The following STX1B variants were observed in gnomAD, a reference collection of about 807,000 sequenced individuals.
STX1B encodes syntaxin 1B.
STX1B carries 7 observed loss-of-function variants against 39.4 expected under a neutral mutation model. The observed-to-expected ratio is 0.18, with a 90% CI of 0.10 to 0.33. The LOEUF is 0.33. STX1B is among the 10% of genes least tolerant of loss of function. The pLI is 1.00. For missense variants in STX1B, 198 were observed against 383.2 expected (o/e 0.52, Z 4.04); for synonymous variants, 136 against 144.1 (o/e 0.94, Z 0.40).
At chr16:30,994,635 A>C (rs562616002) in intron 7 of STX1B, among the ~76,000 whole-genome samples, 46 of 149,550 alleles carry the variant, frequency 3.1e-4, no homozygotes, top group Non-Finnish European at 5.6e-4. Context: ...CGTGACCCAC[A>C]GTCAGATATG....
In STX1B at chr16:30,989,544, G is replaced by A. The variant is rs1357960513; in HGVS notation, c.*3277C>T. 1 of 152,320 alleles carries A rather than the reference G, an allele frequency of 6.6e-6. No individual in the cohort carries two copies. The highest frequency in any genetic ancestry group is 2.4e-5 in the African/African-American group (1 of 41,402). The allele number at this position is 152,320 out of a possible 1,614,324, so 9.4% of individuals were successfully genotyped here. On this transcript the variant is annotated 3_prime_UTR_variant, in exon 10 of 10. Coordinates refer to ENST00000215095, the MANE Select transcript of STX1B (RefSeq NM_052874.5). ...GAGGGAGAGAGCTCTAGAAACCAAC[G>A]GAGAAACAGAGAAGGGGGCAGGGGC...
intron 1 of STX1B, among the ~76,000 whole-genome samples, chr16:31,009,837 T>A (rs1180970931): frequency 6.6e-6 from 1 of 151,916 alleles, no homozygotes; most frequent in African/African-American, 2.4e-5. Flanking sequence ...CCTCCCTGTC[T>A]CGGAGAGATG....
At chr16:31,006,074 G>GGTGACA (rs1246659761) in intron 1 of STX1B, among the ~76,000 whole-genome samples, 1 of 152,236 alleles carries the variant, frequency 6.6e-6, no homozygotes, top group Non-Finnish European at 1.5e-5. Flanking sequence ...GCAAGAGACT[G>GGTGACA]GAATTGGGTG....
chr16:30,998,178 A>G (rs1163816753), intron 4 of STX1B, among the ~76,000 whole-genome samples: 1 of 152,246 alleles, frequency 6.6e-6, no homozygotes, highest in East Asian at 1.9e-4. Flanking sequence ...GGAAAAGTGC[A>G]CAGATTAACT....
chr16:30,995,578 G>A lies in STX1B; in HGVS notation c.537+1105C>T, dbSNP rs531575808. The stretch of plus-strand genomic sequence containing the variant: ...AAGATCTCGGCTCACTGCAACCTCC[G>A]CCTCCCAGGTTCAAGTGATCCTCCT... On this transcript the variant is annotated intron_variant, in intron 7 of 9. Transcript: ENST00000215095. Among the ~76,000 whole-genome samples, 120 of 150,804 alleles carry A rather than the reference G, an allele frequency of 8.0e-4. 1 individual carries two copies. The highest frequency in any genetic ancestry group is 2.8e-3 in the African/African-American group (116 of 41,034).
chr16:30,992,571 G>C lies in STX1B; in HGVS notation c.*250C>G, dbSNP rs536619256. 3.6e-5 allele frequency: 17 copies of C among 476,158 alleles called. No individual in the cohort carries two copies. Among genetic ancestry groups the C allele is most frequent in the African/African-American group, 3.4e-4 (17 of 50,712 alleles). 29.5% of individuals were successfully genotyped at this position (476,158 alleles called of 1,614,324 possible). A position where few individuals can be genotyped will look rare whatever the true frequency, so the allele number is the denominator to read the frequency against. ...GCACGCTGGGGTGTCCACACGTCTC[G>C]AGCATGTGCCGGCGGCATGCATGTT... On this transcript the variant is annotated 3_prime_UTR_variant, in exon 10 of 10. Coordinates refer to ENST00000215095, the MANE Select transcript of STX1B (RefSeq NM_052874.5).
chr16:30,992,710 G>T lies in STX1B; in HGVS notation c.*111C>A. 1 of 706,256 alleles carries T rather than the reference G, an allele frequency of 1.4e-6. No homozygotes were observed. Among genetic ancestry groups the T allele is most frequent in the South Asian group, 1.8e-5 (1 of 57,116 alleles). 43.7% of individuals were successfully genotyped at this position (706,256 alleles called of 1,614,324 possible). A position where few individuals can be genotyped will look rare whatever the true frequency, so the allele number is the denominator to read the frequency against. On this transcript the variant is annotated 3_prime_UTR_variant, in exon 10 of 10. Coordinates refer to ENST00000215095, the MANE Select transcript of STX1B (RefSeq NM_052874.5). ...TCTGCCGTGGGGGTGGGGCTGCCTGGGTCTGTTTTGGGAGTGAGCCTGGAG... is the reference window on the plus strand; with the variant it reads ...TCTGCCGTGGGGGTGGGGCTGCCTGTGTCTGTTTTGGGAGTGAGCCTGGAG...
At position 30,993,429 on chromosome 16, in the gene STX1B, T is replaced by C; in HGVS notation, c.593A>G (p.His198Arg). 6.2e-7 allele frequency: 1 copy of C among 1,614,098 alleles called. No homozygotes were observed. The highest frequency in any genetic ancestry group is 8.5e-7 in the Non-Finnish European group (1 of 1,180,022). Reference protein sequence around the residue: ...KQALNEIETRHNEIIKLETSI... With the variant: ...KQALNEIETRRNEIIKLETSI... ...GGTCTCCAGCTTGATGATCTCATTG[T>C]GCCTCGTCTCAATCTCATTCAGCGC... Residue 198 changes from histidine (H) to arginine (R), a missense_variant, in exon 8 of 10, where the codon CAC becomes CGC. By Grantham distance (29) the His-to-Arg change is conservative. Transcript: ENST00000215095.
At chr16:30,997,435 G>C (rs1457342244) in intron 5 of STX1B, 67 bp downstream of exon 5, 7 of 1,158,636 alleles carry the variant, frequency 6.0e-6, no homozygotes, top group Admixed American at 4.6e-5. Context: ...CTGGCCCGCC[G>C]GCCTCCAGCC....
At chr16:31,009,706 T>C (rs2056671496) in intron 1 of STX1B, among the ~76,000 whole-genome samples, 1 of 151,180 alleles carries the variant, frequency 6.6e-6, no homozygotes, top group Admixed American at 6.6e-5. Context: ...GGTGCCCCAG[T>C]TCCCCCAAGC....
chr16:31,009,999 C>A (rs181757054), intron 1 of STX1B, among the ~76,000 whole-genome samples: 10 of 152,186 alleles, frequency 6.6e-5, no homozygotes, highest in Admixed American at 6.5e-4. Flanking sequence ...GCCCAGTCAC[C>A]GCCCCCATGC....
At position 31,001,070 on chromosome 16, in the gene STX1B, A is replaced by G. The variant is rs758049338; in HGVS notation, c.205+24T>C. ...CCCAGGCCCCTTCTCCTCCCACCCC[A>G]CAGTCACCGGCAGCCACACTCACTC... On this transcript the variant is annotated intron_variant, in intron 3 of 9. Transcript: ENST00000215095. This position sits in a 1 kb window ranked among gnomAD's most constrained non-coding sequence, Gnocchi z 5.5. The G allele has an allele frequency of 7.4e-5, 120 of 1,613,874 alleles. No homozygotes were observed. Among genetic ancestry groups the G allele is most frequent in the Non-Finnish European group, 1.0e-4 (119 of 1,179,900 alleles).
intron 1 of STX1B, among the ~76,000 whole-genome samples, chr16:31,005,178 G>T (rs1372461766): frequency 6.6e-6 from 1 of 152,196 alleles, no homozygotes; most frequent in East Asian, 1.9e-4. Flanking sequence ...TGCCCACCCT[G>T]CTCTGAAGGG....
chr16:30,998,889 C>T (rs1046374554), intron 4 of STX1B, among the ~76,000 whole-genome samples: 3 of 152,138 alleles, frequency 2.0e-5, no homozygotes, highest in Non-Finnish European at 4.4e-5. Flanking sequence ...CAGCAGGAAC[C>T]TTGTTTCTGA....
rs113362036 is a variant in STX1B, at chr16:31,000,817, T to C, written c.280+111A>G. 1.5e-5 allele frequency: 16 copies of C among 1,077,050 alleles called. No individual in the cohort carries two copies. In the East Asian group the frequency reaches 2.1e-4, roughly 14 times the overall value. The allele number at this position is 1,077,050 out of a possible 1,614,324, so 66.7% of individuals were successfully genotyped here. ...TTTTGCCATGTTGCCCAGGCTGGTG[T>C]TGAACTCCTGGGATTGAGCAATTGG... On this transcript the variant is annotated intron_variant, in intron 4 of 9. Coordinates refer to ENST00000215095, the MANE Select transcript of STX1B (RefSeq NM_052874.5).
Position 31,001,486 on chromosome 16 carries a change from G to C in STX1B, c.105+43C>G. 1 of 1,434,946 alleles carries C rather than the reference G, an allele frequency of 7.0e-7. No individual in the cohort carries two copies. Among genetic ancestry groups the C allele is most frequent in the Non-Finnish European group, 9.6e-7 (1 of 1,046,812 alleles). 88.9% of individuals were successfully genotyped at this position (1,434,946 alleles called of 1,614,324 possible). On this transcript the variant is annotated intron_variant, in intron 2 of 9. Coordinates refer to ENST00000215095, the MANE Select transcript of STX1B (RefSeq NM_052874.5). The surrounding 1 kb of genome is among the most constrained non-coding windows in gnomAD (Gnocchi z 5.5). ...GTGGGACTAGGGGCTGGGGCTGGGT[G>C]CTGGGGCTGGGGCTGGGGCTGGGGG...
chr16:30,992,776 G>C lies in STX1B; in HGVS notation c.*45C>G. The C allele has an allele frequency of 7.8e-7, 1 of 1,282,760 alleles. No individual in the cohort carries two copies. Among genetic ancestry groups the C allele is most frequent in the Non-Finnish European group, 1.1e-6 (1 of 889,114 alleles). 79.5% of individuals were successfully genotyped at this position (1,282,760 alleles called of 1,614,324 possible). A position where few individuals can be genotyped will look rare whatever the true frequency, so the allele number is the denominator to read the frequency against. ...AAGGGGTGGTGGGGGTATTGCTCCCGATGTGGTGGGGGAAGGGTCTGGGAG... is the reference window on the plus strand; with the variant it reads ...AAGGGGTGGTGGGGGTATTGCTCCCCATGTGGTGGGGGAAGGGTCTGGGAG... On this transcript the variant is annotated 3_prime_UTR_variant, in exon 10 of 10. Coordinates refer to ENST00000215095, the MANE Select transcript of STX1B (RefSeq NM_052874.5).
chr16:31,000,906 GTTGAGGGAT>G lies in STX1B; in HGVS notation c.280+13_280+21del, dbSNP rs769386599. ...CCACCCACAATTCTTTTCCTTCCTG[GTTGAGGGAT>G]TGTACTCCTCACCTTTCAATTTGGA... On this transcript the variant is annotated intron_variant, in intron 4 of 9. Transcript: ENST00000215095. 1.9e-6 allele frequency: 3 copies of G among 1,613,548 alleles called. No homozygotes were observed. Among genetic ancestry groups the G allele is most frequent in the Non-Finnish European group, 2.5e-6 (3 of 1,179,504 alleles).
chr16:31,000,935 T>C lies in STX1B; in HGVS notation c.273A>G (p.Lys91=). 1 of 1,614,146 alleles carries C rather than the reference T, an allele frequency of 6.2e-7. No homozygotes were observed. The highest frequency in any genetic ancestry group is 1.1e-5 in the South Asian group (1 of 91,078). The change falls in exon 4 of 10, where the codon AAA becomes AAG. Residue 91 remains lysine (K), a synonymous_variant. Coordinates refer to ENST00000215095, the MANE Select transcript of STX1B (RefSeq NM_052874.5). ...IKKTANKVRS[K]LKAIEQSIEQ... ...AGGGATTGTACTCCTCACCTTTCAATTTGGACCGAACCTTGTTGGCCGTCT... is the reference window on the plus strand; with the variant it reads ...AGGGATTGTACTCCTCACCTTTCAACTTGGACCGAACCTTGTTGGCCGTCT...
Sources: gnomAD v4.1 joint callset for allele counts (sites outside exome capture counted in the v4.1 genomes callset) on GRCh38, gnomAD v4.1.1 for gene constraint, Gnocchi (gnomAD v3.1) non-coding constraint, MANE v1.5 for transcripts, NCBI Gene and HGNC (gene_info 2026-07-23, HGNC 2026-07-21) for gene names.